MEP1B: variants seen among roughly 807,000 people sequenced by gnomAD.
MEP1B encodes N-benzoyl-L-tyrosyl-P-amino-benzoic acid hydrolase subunit beta.
A neutral mutation model predicts 84.6 loss-of-function variants in MEP1B; 80 were observed. The observed-to-expected ratio is 0.95, with a 90% CI of 0.79 to 1.14. MEP1B has a LOEUF of 1.14. MEP1B is among the 50% of genes most tolerant of loss of function. MEP1B has a pLI of 0.00. For synonymous variants in MEP1B, 273 were observed against 288.1 expected (o/e 0.95, Z 0.53); for missense variants, 766 against 855.1 (o/e 0.90, Z 1.30).
In MEP1B at chr18:32,204,328, A is replaced by G. The variant is rs2144402185; in HGVS notation, c.515A>G (p.Tyr172Cys). 1 of 1,600,032 alleles carries G rather than the reference A, an allele frequency of 6.2e-7. No individual in the cohort carries two copies. Among genetic ancestry groups the G allele is most frequent in the Non-Finnish European group, 8.5e-7 (1 of 1,173,500 alleles). The change falls in exon 7 of 15, where the codon TAT becomes TGT. Residue 172 changes from tyrosine (Y) to cysteine (C), a missense_variant. Coordinates refer to ENST00000269202, the MANE Select transcript of MEP1B (RefSeq NM_005925.3). The part of the protein sequence containing the change: ...HEQSRSDRDD[Y>C]VRIMWDRILS... ...CAGTCGCGTTCTGACCGGGATGACT[A>G]TGTCAGGATAATGTGGGACAGAATT...
At chr18:32,199,605 G>A (rs1239724164) in intron 5 of MEP1B, among the ~76,000 whole-genome samples, 2 of 151,910 alleles carry the variant, frequency 1.3e-5, no homozygotes, top group African/African-American at 4.8e-5. Flanking sequence ...TTTTGGTTTA[G>A]TCTTTTGATT....
At position 32,190,139 on chromosome 18, in the gene MEP1B, G is replaced by T; in HGVS notation, c.63+6G>T. On this transcript the variant is annotated splice_donor_region_variant and intron_variant, in intron 1 of 14. Transcript: ENST00000269202. ...TTCTCGTGATTTCTGGCTTGGTAAGGAAACAGTATATAGAAGATAATTTAA... is the reference window on the plus strand; with the variant it reads ...TTCTCGTGATTTCTGGCTTGGTAAGTAAACAGTATATAGAAGATAATTTAA... 1 of 1,610,202 alleles carries T rather than the reference G, an allele frequency of 6.2e-7. No homozygotes were observed. The highest frequency in any genetic ancestry group is 8.5e-7 in the Non-Finnish European group (1 of 1,177,070).
chr18:32,194,628 T>C (rs998187418), intron 4 of MEP1B, among the ~76,000 whole-genome samples: 3 of 152,160 alleles, frequency 2.0e-5, no homozygotes, highest in Admixed American at 6.5e-5. Flanking sequence ...GAACAACTAA[T>C]GTTCCCTCTG....
chr18:32,219,851 G>C (rs1309217810), intron 14 of MEP1B, among the ~76,000 whole-genome samples: 2 of 151,884 alleles, frequency 1.3e-5, no homozygotes, highest in Non-Finnish European at 2.9e-5. Flanking sequence ...TTACAACAGA[G>C]CTGTTTTGTT....
chr18:32,201,057 T>A (rs1396049282), intron 5 of MEP1B, among the ~76,000 whole-genome samples: 1 of 152,176 alleles, frequency 6.6e-6, no homozygotes, highest in Non-Finnish European at 1.5e-5. Flanking sequence ...CTTATCTTGG[T>A]AAAGGGCCTC....
intron 5 of MEP1B, among the ~76,000 whole-genome samples, chr18:32,195,758 C>T (rs755478832): frequency 1.3e-4 from 20 of 152,196 alleles, no homozygotes; most frequent in Non-Finnish European, 2.5e-4. Flanking sequence ...ATGCTAGGGA[C>T]ATAACGATTA....
chr18:32,207,539 C>T lies in MEP1B; in HGVS notation c.766+69C>T, dbSNP rs542498085. 74 of 1,105,250 alleles carry T rather than the reference C, an allele frequency of 6.7e-5. No homozygotes were observed. The East Asian group carries it at 1.8e-3, about 27-fold the overall frequency. 68.5% of individuals were successfully genotyped at this position (1,105,250 alleles called of 1,614,324 possible). A position where few individuals can be genotyped will look rare whatever the true frequency, so the allele number is the denominator to read the frequency against. On this transcript the variant is annotated intron_variant, in intron 8 of 14. Transcript: ENST00000269202. ...ATGTAGGAAAAAATGATGGTCTGTG[C>T]CATTTTGTCAAGCATTGGTGGGGTT...
rs532750294 is a variant in MEP1B, at chr18:32,196,548, C to T, written c.250+1063C>T. 1.9e-5 allele frequency: 13 copies of T among 702,242 alleles called. 1 individual carries two copies. Among genetic ancestry groups the T allele is most frequent in the Middle Eastern group, 5.2e-4 (2 of 3,824 alleles). The allele number at this position is 702,242 out of a possible 1,614,324, so 43.5% of individuals were successfully genotyped here. On this transcript the variant is annotated intron_variant, in intron 5 of 14. Transcript: ENST00000269202. This position sits in a 1 kb window ranked among gnomAD's most constrained non-coding sequence, Gnocchi z 4.4. Reference sequence around the variant, plus strand: ...AAGGGCCACCTTGAGAGCTTTGGGCCCTTGGTACTTGGTGCTGACGGCCAG... The same window carrying T: ...AAGGGCCACCTTGAGAGCTTTGGGCTCTTGGTACTTGGTGCTGACGGCCAG...
chr18:32,204,049 GCA>G (rs1555706515), intron 6 of MEP1B, 131 bp from the exon 7 acceptor site: 2 of 704,610 alleles, frequency 2.8e-6, no homozygotes, highest in Non-Finnish European at 4.9e-6. Context: ...TGAGAGAAAC[GCA>G]CAGTGTTCAG....
intron 14 of MEP1B, 47 bp from the exon 15 acceptor site, chr18:32,220,184 T>C (rs1321007863): frequency 2.6e-6 from 4 of 1,543,648 alleles, no homozygotes; most frequent in East Asian, 2.3e-5. Context: ...TAAATAGCAG[T>C]TTTTAAATTT....
At chr18:32,208,399 T>G (rs950010877) in intron 9 of MEP1B, 128 bp downstream of exon 9, 2 of 973,752 alleles carry the variant, frequency 2.1e-6, no homozygotes, top group Non-Finnish European at 2.9e-6. Flanking sequence ...AGGTTACTAC[T>G]GAGAAGTAGG....
chr18:32,200,780 T>C (rs2040904025), intron 5 of MEP1B, among the ~76,000 whole-genome samples: 1 of 152,174 alleles, frequency 6.6e-6, no homozygotes, highest in Non-Finnish European at 1.5e-5. Context: ...TAAGTTATAA[T>C]TCCTTGCCTT....
At chr18:32,194,575 C>T (rs2040834049) in intron 4 of MEP1B, among the ~76,000 whole-genome samples, 1 of 152,054 alleles carries the variant, frequency 6.6e-6, no homozygotes, top group Non-Finnish European at 1.5e-5. Context: ...CTGGTCTCAA[C>T]ACATATTCAA....
chr18:32,193,875 T>C (rs1261995818), intron 4 of MEP1B, among the ~76,000 whole-genome samples: 1 of 152,190 alleles, frequency 6.6e-6, no homozygotes, highest in Non-Finnish European at 1.5e-5. Flanking sequence ...GTCATCTCCA[T>C]GCCAATGAAT....
rs371173978 is a variant in MEP1B at position 32,204,195 on chromosome 18, G to A, written c.382G>A (p.Val128Ile). The A allele has an allele frequency of 1.9e-6, 3 of 1,606,290 alleles. No homozygotes were observed. Among genetic ancestry groups the A allele is most frequent in the African/African-American group, 2.7e-5 (2 of 74,682 alleles). Residue 128 changes from valine to isoleucine, a missense_variant, in exon 7 of 15, where the codon GTA (valine) becomes ATA (isoleucine). By Grantham distance (29) the Val-to-Ile change is conservative. Transcript: ENST00000269202. Reference protein sequence around the residue: ...VFKGSGCWSSVGNRRVGKQEL... With the variant: ...VFKGSGCWSSIGNRRVGKQEL... Reference sequence around the variant, plus strand: ...CTCTCCTGTAAGCTGCTGGTCTTCAGTAGGAAATAGGCGGGTTGGGAAGCA... The same window carrying A: ...CTCTCCTGTAAGCTGCTGGTCTTCAATAGGAAATAGGCGGGTTGGGAAGCA...
chr18:32,217,699 C>A, intron 13 of MEP1B, 62 bp from the exon 14 acceptor site: 2 of 1,340,486 alleles, frequency 1.5e-6, no homozygotes, highest in Non-Finnish European at 2.1e-6. Flanking sequence ...ACATCTTTAA[C>A]TGTGAAGATT....
intron 5 of MEP1B, among the ~76,000 whole-genome samples, chr18:32,201,625 T>C (rs1056642944): frequency 6.6e-6 from 1 of 152,214 alleles, no homozygotes; most frequent in Non-Finnish European, 1.5e-5. Flanking sequence ...AATATTAACA[T>C]ATGTATGTTA....
intron 5 of MEP1B, 55 bp downstream of exon 5, chr18:32,195,540 AT>A: frequency 8.3e-7 from 1 of 1,207,366 alleles, no homozygotes; most frequent in South Asian, 1.3e-5. Context: ...ACAAAATATG[AT>A]TATAGTGTTT....
At chr18:32,192,224 T>C (rs1356696209) in intron 2 of MEP1B, among the ~76,000 whole-genome samples, 1 of 152,112 alleles carries the variant, frequency 6.6e-6, no homozygotes, top group Non-Finnish European at 1.5e-5. Flanking sequence ...GTAATTCAAG[T>C]TTAACTTAAG....
Sources: allele counts gnomAD v4.1 joint callset (sites outside exome capture counted in the v4.1 genomes callset), GRCh38; gene constraint gnomAD v4.1.1; non-coding constraint Gnocchi (gnomAD v3.1); transcripts MANE v1.5; gene names NCBI Gene and HGNC (gene_info 2026-07-23, HGNC 2026-07-21).